Variants in KCNIP4 observed in about 807,000 individuals in gnomAD.
KCNIP4 encodes the protein Kv channel-interacting protein 4.
KCNIP4 carries 12 observed loss-of-function variants against 34.0 expected under a neutral mutation model. The ratio of observed to expected loss-of-function variants is 0.35; its 90% CI spans 0.23 to 0.57. The LOEUF (loss-of-function observed/expected upper bound fraction) is 0.57. Among genes scored for constraint, KCNIP4 ranks in the 20% least tolerant of loss-of-function variants. The pLI is 0.83. For synonymous variants in KCNIP4, 124 were observed against 102.2 expected (o/e 1.21, Z -1.29); for missense variants, 238 against 311.7 (o/e 0.76, Z 1.78).
chr4:21,226,686 C>T (rs893215004), intron 1 of KCNIP4, among the ~76,000 whole-genome samples: 5 of 152,046 alleles, frequency 3.3e-5, no homozygotes, highest in African/African-American at 7.2e-5. Flanking sequence ...ATACTTTTTC[C>T]ACAACAATCT....
intron 1 of KCNIP4, among the ~76,000 whole-genome samples, chr4:21,519,365 C>CATATGTGTGTATATGTATGTGTAT (rs1735071273): frequency 4.0e-5 from 6 of 149,898 alleles, no homozygotes; most frequent in East Asian, 2.0e-4. Context: ...CACACACACA[C>CATATGTGTGTATATGTATGTGTAT]ACACACACGT....
At chr4:21,631,028 G>GT (rs1427475045) in intron 1 of KCNIP4, among the ~76,000 whole-genome samples, 1 of 152,124 alleles carries the variant, frequency 6.6e-6, no homozygotes, top group Non-Finnish European at 1.5e-5. Flanking sequence ...TCTACATAGT[G>GT]TTATTCTGTG....
chr4:20,966,988 C>A (rs1171294434), intron 1 of KCNIP4, among the ~76,000 whole-genome samples: 1 of 152,086 alleles, frequency 6.6e-6, no homozygotes, highest in Non-Finnish European at 1.5e-5. Flanking sequence ...AGGACCACAG[C>A]CAGCAGCATT....
intron 1 of KCNIP4, among the ~76,000 whole-genome samples, chr4:20,923,071 A>T (rs1012555721): frequency 2.0e-5 from 3 of 152,152 alleles, no homozygotes; most frequent in African/African-American, 7.2e-5. Context: ...ATTTGTCAAA[A>T]GACTCCAGCA....
At chr4:21,410,386 T>C (rs1459252953) in intron 1 of KCNIP4, among the ~76,000 whole-genome samples, 3 of 152,194 alleles carry the variant, frequency 2.0e-5, no homozygotes, top group African/African-American at 7.2e-5. Flanking sequence ...AGAATTAGTA[T>C]TCTATGACTT....
At chr4:20,792,570 A>G (rs1002664319) in intron 3 of KCNIP4, among the ~76,000 whole-genome samples, 11 of 152,180 alleles carry the variant, frequency 7.2e-5, no homozygotes, top group Admixed American at 4.6e-4. Context: ...AGAGATAAAA[A>G]TATGTTAAAA....
rs552412947 is a variant in KCNIP4 at position 20,872,437 on chromosome 4, G to T, written c.163+10171C>A. 3.4e-4 allele frequency among the ~76,000 whole-genome samples: 52 copies of T among 152,212 alleles called. No individual in the cohort carries two copies. The South Asian group carries it at 5.6e-3, about 16-fold the overall frequency. On this transcript the variant is annotated intron_variant, in intron 2 of 8. Coordinates refer to ENST00000382152, the MANE Select transcript of KCNIP4 (RefSeq NM_025221.6). ...CCCTTGGCAAAAGGCAATTTGAAAT[G>T]TAAGAAGGCTAAACTTGAACCCTGC...
intron 1 of KCNIP4, among the ~76,000 whole-genome samples, chr4:21,308,685 A>G (rs1712767540): frequency 6.6e-6 from 1 of 150,470 alleles, no homozygotes; most frequent in African/African-American, 2.4e-5. Flanking sequence ...GTTAGATACA[A>G]GAAAGTTCTG....
At chr4:20,983,710 T>G in intron 1 of KCNIP4, 1 of 930,474 alleles carries the variant, frequency 1.1e-6, no homozygotes, top group Non-Finnish European at 1.6e-6. Context: ...ATGCATATTT[T>G]AAAACTTTTA....
At chr4:21,530,064 G>A (rs139619301) in intron 1 of KCNIP4, among the ~76,000 whole-genome samples, 3 of 152,226 alleles carry the variant, frequency 2.0e-5, no homozygotes, top group East Asian at 1.9e-4. Flanking sequence ...ACAATTGAGC[G>A]CATCTAATCT....
chr4:21,208,946 A>T (rs1186296849), intron 1 of KCNIP4, among the ~76,000 whole-genome samples: 1 of 152,064 alleles, frequency 6.6e-6, no homozygotes, highest in Non-Finnish European at 1.5e-5. Context: ...AGATCTCATA[A>T]GAACTCACTC....
intron 1 of KCNIP4, among the ~76,000 whole-genome samples, chr4:21,037,545 C>G (rs1424060572): frequency 2.0e-5 from 3 of 152,172 alleles, no homozygotes; most frequent in African/African-American, 7.2e-5. Flanking sequence ...GCTACACCCT[C>G]TAGGTTTGTG....
chr4:21,137,871 C>CTTTTTTTTTTTTTTTTTT lies in KCNIP4; in HGVS notation c.62-255163_62-255162insAAAAAAAAAAAAAAAAAA, dbSNP rs144440285. 2.4e-4 allele frequency among the ~76,000 whole-genome samples: 28 copies of CTTTTTTTTTTTTTTTTTT among 118,146 alleles called. 5 individuals are homozygous for CTTTTTTTTTTTTTTTTTT. Among genetic ancestry groups the CTTTTTTTTTTTTTTTTTT allele is most frequent in the African/African-American group, 4.6e-4 (13 of 28,062 alleles). The allele number at this position is 118,146 out of a possible 152,430, so 77.5% of individuals were successfully genotyped here. A position where few individuals can be genotyped will look rare whatever the true frequency, so the allele number is the denominator to read the frequency against. On this transcript the variant is annotated intron_variant, in intron 1 of 8. Coordinates refer to ENST00000382152, the MANE Select transcript of KCNIP4 (RefSeq NM_025221.6). ...ATGAAGGCTTTTTCCCTTACACAGGCTTTTTTGTTTTTTTTTTTTTGATGG... is the reference window on the plus strand; with the variant it reads ...ATGAAGGCTTTTTCCCTTACACAGGCTTTTTTTTTTTTTTTTTTTTTTTTGTTTTTTTTTTTTTGATGG...
At chr4:21,390,146 GTTGT>G (rs1431176502) in intron 1 of KCNIP4, among the ~76,000 whole-genome samples, 1 of 152,016 alleles carries the variant, frequency 6.6e-6, no homozygotes, top group Non-Finnish European at 1.5e-5. Flanking sequence ...TTTTGATGGG[GTTGT>G]TTGTTTTTTT....
intron 1 of KCNIP4, among the ~76,000 whole-genome samples, chr4:21,091,393 A>G (rs1015929093): frequency 6.6e-6 from 1 of 152,212 alleles, no homozygotes; most frequent in Non-Finnish European, 1.5e-5. Flanking sequence ...CATTTTCCAG[A>G]GAAGGGCATT....
chr4:21,197,958 T>C (rs1756177458), intron 1 of KCNIP4, among the ~76,000 whole-genome samples: 1 of 152,146 alleles, frequency 6.6e-6, no homozygotes. Flanking sequence ...AGAAATCACT[T>C]ATTTAACAAC....
intron 1 of KCNIP4, among the ~76,000 whole-genome samples, chr4:21,237,870 T>C (rs11932502): frequency 0.12 from 18,565 of 152,142 alleles, 3,582 homozygotes; most frequent in African/African-American, 0.41. Context: ...TCCTCCCTAA[T>C]TCATTTTATG....
chr4:20,904,456 G>T (rs1016552805), intron 1 of KCNIP4, among the ~76,000 whole-genome samples: 1 of 151,382 alleles, frequency 6.6e-6, no homozygotes, highest in Non-Finnish European at 1.5e-5. Flanking sequence ...AAGCCTTCTG[G>T]AATTTTCTGA....
chr4:21,940,963 T>C (rs1263131582), intron 1 of KCNIP4, among the ~76,000 whole-genome samples: 1 of 152,146 alleles, frequency 6.6e-6, no homozygotes, highest in African/African-American at 2.4e-5. Context: ...GATGTAACTA[T>C]AAGACACTTT....
Sources: gnomAD v4.1 joint callset for allele counts (sites outside exome capture counted in the v4.1 genomes callset) on GRCh38, gnomAD v4.1.1 for gene constraint, MANE v1.5 for transcripts, NCBI Gene and HGNC (gene_info 2026-07-23, HGNC 2026-07-21) for gene names.